Variants in SLC8B1 observed in about 807,000 individuals in gnomAD.
The protein encoded by SLC8B1 is mitochondrial sodium/calcium exchanger protein.
SLC8B1 carries 52 observed loss-of-function variants against 63.4 expected under a neutral mutation model. The observed-to-expected ratio is 0.82, with a 90% CI of 0.66 to 1.03. The LOEUF is 1.03. SLC8B1 is among the 50% of genes least tolerant of loss of function. The pLI is 0.00. For missense variants in SLC8B1, 657 were observed against 741.7 expected (o/e 0.89, Z 1.33); for synonymous variants, 336 against 323.9 (o/e 1.04, Z -0.40).
intron 8 of SLC8B1, among the ~76,000 whole-genome samples, chr12:113,317,882 T>C (rs928917479): frequency 2.0e-5 from 3 of 150,652 alleles, no homozygotes; most frequent in African/African-American, 5.0e-5. Context: ...TTTGTGTGCA[T>C]TGATGTTTTT....
chr12:113,301,181 C>T (rs1956581978), intron 15 of SLC8B1, among the ~76,000 whole-genome samples: 1 of 151,926 alleles, frequency 6.6e-6, no homozygotes, highest in Non-Finnish European at 1.5e-5. Context: ...GAGGCATGGA[C>T]AGACAGGCAT....
At chr12:113,329,748 G>A (rs71465896) in intron 2 of SLC8B1, among the ~76,000 whole-genome samples, 4,856 of 152,236 alleles carry the variant, frequency 0.032, 113 homozygotes, top group Non-Finnish European at 0.046. Flanking sequence ...GGCTGGACAG[G>A]AAAGGGTAAC....
intron 2 of SLC8B1, among the ~76,000 whole-genome samples, chr12:113,329,511 T>A (rs1014777713): frequency 6.6e-6 from 1 of 152,062 alleles, no homozygotes; most frequent in Non-Finnish European, 1.5e-5. Flanking sequence ...CAAAATCACA[T>A]TACTGTGCAG....
At chr12:113,321,014 C>A in intron 4 of SLC8B1, 42 bp downstream of exon 4, 1 of 1,600,822 alleles carries the variant, frequency 6.2e-7, no homozygotes. Flanking sequence ...GGGACCCCTC[C>A]TCCCATTGAT....
In SLC8B1 at chr12:113,333,153, A is replaced by G. The variant is rs561242841; in HGVS notation, c.-82-193T>C. ...CCTGCCCATTCAGCGTGCAGATCAG[A>G]TACGCCCTTCTTCCTGAGAACCCAT... On this transcript the variant is annotated intron_variant, in intron 1 of 15. Coordinates refer to ENST00000680972, the MANE Select transcript of SLC8B1 (RefSeq NM_001358345.2). Among the ~76,000 whole-genome samples, 3 of 152,332 alleles carry G rather than the reference A, an allele frequency of 2.0e-5. No individual in the cohort carries two copies. In the East Asian group the frequency reaches 5.8e-4, roughly 29 times the overall value.
chr12:113,305,131 C>T lies in SLC8B1; in HGVS notation c.1493-746G>A, dbSNP rs573550321. Among the ~76,000 whole-genome samples the T allele has an allele frequency of 2.0e-5, 3 of 152,298 alleles. No individual in the cohort carries two copies. Among genetic ancestry groups the T allele is most frequent in the East Asian group, 3.9e-4 (2 of 5,182 alleles). ...AGGCCAGGAGAGATGAAGGGACTGC[C>T]CCCAGTCCCTAGAGGGAACTGGTGA... On this transcript the variant is annotated intron_variant, in intron 14 of 15. Transcript: ENST00000680972. The surrounding 1 kb of genome is among the most constrained non-coding windows in gnomAD (Gnocchi z 4.3).
In SLC8B1 at chr12:113,305,611, C is replaced by T. The variant is rs993111383; in HGVS notation, c.1492+884G>A. On this transcript the variant is annotated intron_variant, in intron 14 of 15. Coordinates refer to ENST00000680972, the MANE Select transcript of SLC8B1 (RefSeq NM_001358345.2). The surrounding 1 kb of genome is among the most constrained non-coding windows in gnomAD (Gnocchi z 4.3). ...CAAAAGTTGGCAAACATCAGCCCTC[C>T]GGCCAAATTTGGCCCACTAACTGCT... is the stretch of plus-strand genomic sequence containing the variant. 3.9e-5 allele frequency among the ~76,000 whole-genome samples: 6 copies of T among 152,242 alleles called. No individual in the cohort carries two copies. Among genetic ancestry groups the T allele is most frequent in the Non-Finnish European group, 7.3e-5 (5 of 68,038 alleles).
chr12:113,310,483 GA>G, intron 11 of SLC8B1, 128 bp from the exon 12 acceptor site: 2 of 1,254,480 alleles, frequency 1.6e-6, no homozygotes, highest in Non-Finnish European at 2.1e-6. Flanking sequence ...CATGGGGGCA[GA>G]AAAATTTAAA....
chr12:113,324,854 A>C (rs560975422), intron 2 of SLC8B1, among the ~76,000 whole-genome samples: 7 of 151,662 alleles, frequency 4.6e-5, no homozygotes, highest in South Asian at 2.1e-4. Context: ...CATGCACACA[A>C]CACCACACCT....
At chr12:113,309,828 G>A (rs796435084) in intron 12 of SLC8B1, among the ~76,000 whole-genome samples, 2 of 152,082 alleles carry the variant, frequency 1.3e-5, no homozygotes, top group African/African-American at 2.4e-5. Context: ...CCATAGAGAC[G>A]CGGAGTAGAG....
Position 113,310,335 on chromosome 12 carries a change from C to T in SLC8B1, c.1156G>A (p.Gly386Ser), listed in dbSNP as rs561952938. Residue 386 changes from glycine (G) to serine (S), a missense_variant, in exon 12 of 16, where the codon GGC becomes AGC. Coordinates refer to ENST00000680972, the MANE Select transcript of SLC8B1 (RefSeq NM_001358345.2). ...SGTYGVYEIG[G>S]LVPVWVVVVI... ...ACCACGACCCAGACGGGAACGAGGC[C>T]GCCTATCTCATAGACACCATCTGCA... 51 of 1,613,856 alleles carry T rather than the reference C, an allele frequency of 3.2e-5. No homozygotes were observed. Among genetic ancestry groups the T allele is most frequent in the South Asian group, 2.0e-4 (18 of 91,042 alleles).
intron 14 of SLC8B1, among the ~76,000 whole-genome samples, chr12:113,306,022 G>A (rs1046052457): frequency 3.2e-5 from 4 of 123,494 alleles, no homozygotes; most frequent in Admixed American, 1.1e-4. Flanking sequence ...TCACGCCACC[G>A]CACTCCAGCC....
At chr12:113,308,338 T>C (rs1414541829) in intron 12 of SLC8B1, 2 of 151,988 alleles carry the variant, frequency 1.3e-5, no homozygotes, top group African/African-American at 4.8e-5. Context: ...TGAGTGAGAC[T>C]CTGTCTCGAA....
chr12:113,320,990 A>C lies in SLC8B1; in HGVS notation c.362+66T>G. On this transcript the variant is annotated intron_variant, in intron 4 of 15. Transcript: ENST00000680972. The surrounding 1 kb of genome is among the most constrained non-coding windows in gnomAD (Gnocchi z 5.3). ...CCTTCCCCCAAACTGAGGGTGACCG[A>C]ATGTCAGCCTCCTGGGACCCCTCCT... 15 of 1,592,708 alleles carry C rather than the reference A, an allele frequency of 9.4e-6. No individual in the cohort carries two copies. The South Asian group carries it at 1.6e-4, about 17-fold the overall frequency.
intron 1 of SLC8B1, among the ~76,000 whole-genome samples, chr12:113,333,846 T>C (rs1042040054): frequency 6.6e-6 from 1 of 152,310 alleles, no homozygotes; most frequent in African/African-American, 2.4e-5. Context: ...GTAGCTGGGA[T>C]TACAGGCACA....
intron 15 of SLC8B1, chr12:113,302,392 T>C (rs1956600713): frequency 7.0e-6 from 2 of 283,716 alleles, no homozygotes; most frequent in Non-Finnish European, 1.4e-5. Context: ...GCTGATGCCC[T>C]GATTGCAGGC....
intron 2 of SLC8B1, among the ~76,000 whole-genome samples, chr12:113,325,056 C>A (rs976699186): frequency 6.6e-6 from 1 of 152,150 alleles, no homozygotes; most frequent in Non-Finnish European, 1.5e-5. Flanking sequence ...TCTCTTTGAG[C>A]TTCAGTCTCA....
chr12:113,321,720 TTTTG>T (rs958958136), intron 2 of SLC8B1, among the ~76,000 whole-genome samples: 27 of 151,908 alleles, frequency 1.8e-4, no homozygotes, highest in African/African-American at 5.1e-4. Context: ...ACACACTTTG[TTTTG>T]TTTAACAGAA....
In SLC8B1 at chr12:113,307,770, C is replaced by T. The variant is rs1340476001; in HGVS notation, c.1332G>A (p.Leu444=). The change falls in exon 13 of 16, where the codon TTG becomes TTA. Residue 444 remains leucine, a synonymous_variant. Transcript: ENST00000680972. ...NAAATEVVNI[L]RSLGVVFRLS... is the part of the protein sequence containing the mutation. ...GCCGGAAGACCACACCCAGGGACCG[C>T]AAGATGTTCACCACCTCTGTGGCGG... is the stretch of plus-strand genomic sequence containing the variant. 1.2e-6 allele frequency: 2 copies of T among 1,614,014 alleles called. No homozygotes were observed. Among genetic ancestry groups the T allele is most frequent in the East Asian group, 2.2e-5 (1 of 44,878 alleles).
Sources: gnomAD v4.1 joint callset for allele counts (sites outside exome capture counted in the v4.1 genomes callset) on GRCh38, gnomAD v4.1.1 for gene constraint, Gnocchi (gnomAD v3.1) non-coding constraint, MANE v1.5 for transcripts, NCBI Gene and HGNC (gene_info 2026-07-23, HGNC 2026-07-21) for gene names.